Variants in JAG2 observed in about 807,000 individuals in gnomAD.
The protein encoded by JAG2 is jagged canonical Notch ligand 2, also known as protein jagged-2.
In JAG2, 46 loss-of-function variants were observed where a neutral mutation model predicts 141.7. The ratio of observed to expected loss-of-function variants is 0.32; its 90% CI spans 0.26 to 0.42. The LOEUF is 0.42. Ranked by LOEUF, JAG2 falls within the 10% of genes least tolerant of loss-of-function variation. The probability of loss-of-function intolerance (pLI) is 1.00; values close to 1 mark genes in which losing one functional copy is unlikely to be tolerated. For missense variants in JAG2, 1,500 were observed against 1,817.5 expected, an observed-to-expected ratio of 0.83 and a Z score of 3.18; for synonymous variants, 862 against 763.5, an observed-to-expected ratio of 1.13 and a Z score of -2.13.
At chr14:105,157,222 T>TC (rs1160613136) in intron 3 of JAG2, among the ~76,000 whole-genome samples, 1 of 151,924 alleles carries the variant, frequency 6.6e-6, no homozygotes, top group East Asian at 1.9e-4. Flanking sequence ...CCCCGGCTGC[T>TC]CCCCCTGCAC....
At chr14:105,156,665 C>T (rs934744095) in intron 3 of JAG2, among the ~76,000 whole-genome samples, 4 of 152,144 alleles carry the variant, frequency 2.6e-5, no homozygotes, top group African/African-American at 9.7e-5. Context: ...CGACGTTTTG[C>T]ACAATAAAAG....
intron 24 of JAG2, 26 bp downstream of exon 24, chr14:105,144,904 G>C (rs367852224): frequency 7.5e-6 from 12 of 1,595,182 alleles, no homozygotes; most frequent in African/African-American, 1.3e-5. Context: ...GGCCCACCCA[G>C]GTGCTGCTCC....
At chr14:105,165,494 G>A (rs1888881786) in intron 2 of JAG2, among the ~76,000 whole-genome samples, 1 of 152,188 alleles carries the variant, frequency 6.6e-6, no homozygotes, top group African/African-American at 2.4e-5. Flanking sequence ...CTGGCATGTG[G>A]TCCACCACCT....
chr14:105,158,943 G>A (rs746796534), intron 2 of JAG2, among the ~76,000 whole-genome samples: 20 of 151,918 alleles, frequency 1.3e-4, no homozygotes, highest in Non-Finnish European at 2.5e-4. Flanking sequence ...CCAACCCCAC[G>A]CCTGCCAGCC....
intron 9 of JAG2, 76 bp from the exon 10 acceptor site, chr14:105,151,180 C>T: frequency 7.4e-7 from 1 of 1,347,582 alleles, no homozygotes; most frequent in Non-Finnish European, 1.0e-6. Context: ...CTGGCACCCG[C>T]AGCCCAGCAG....
Position 105,144,946 on chromosome 14 carries a change from G to A in JAG2, c.3068C>T (p.Ala1023Val). 1 of 1,599,978 alleles carries A rather than the reference G, an allele frequency of 6.3e-7. No homozygotes were observed. Among genetic ancestry groups the A allele is most frequent in the Non-Finnish European group, 8.5e-7 (1 of 1,176,550 alleles). Reference sequence around the variant, plus strand: ...GGCACTCACCACGGCCACCTCCACAGCACTGGCCCCCGAGGACGCCCGGTC... The same window carrying A: ...GGCACTCACCACGGCCACCTCCACAACACTGGCCCCCGAGGACGCCCGGTC... ...LCDRASSGASAVEVAVSFSPA... is the reference protein window; with the variant it reads ...LCDRASSGASVVEVAVSFSPA... Residue 1023 changes from alanine (A) to valine (V), a missense_variant, in exon 24 of 26, where the codon GCT becomes GTT. Around this residue, in one of 3 missense-constraint regions of JAG2, gnomAD observed 425 missense variants for 441.0 expected, o/e 0.96. Coordinates refer to ENST00000331782, the MANE Select transcript of JAG2 (RefSeq NM_002226.5).
intron 2 of JAG2, among the ~76,000 whole-genome samples, chr14:105,162,759 C>T (rs1888792558): frequency 7.5e-6 from 1 of 134,098 alleles, no homozygotes; most frequent in African/African-American, 3.3e-5. Flanking sequence ...TTGTGCACCC[C>T]ATGGCCCAGT....
chr14:105,145,978 G>C lies in JAG2; in HGVS notation c.2710-5C>G, dbSNP rs1202491240. The C allele has an allele frequency of 1.5e-5, 24 of 1,592,702 alleles. No individual in the cohort carries two copies. Among genetic ancestry groups the C allele is most frequent in the Non-Finnish European group, 2.0e-5 (24 of 1,172,132 alleles). Reference sequence around the variant, plus strand: ...AGGCTTCCATCCGCACCACACCTGGGCAGGCACGCACAGGAGGGTCAGGCG... The same window carrying C: ...AGGCTTCCATCCGCACCACACCTGGCCAGGCACGCACAGGAGGGTCAGGCG... On this transcript the variant is annotated splice_region_variant and splice_polypyrimidine_tract_variant and intron_variant, in intron 22 of 25. Coordinates refer to ENST00000331782, the MANE Select transcript of JAG2 (RefSeq NM_002226.5).
At chr14:105,153,131 G>A (rs1265501261) in intron 5 of JAG2, among the ~76,000 whole-genome samples, 2 of 152,112 alleles carry the variant, frequency 1.3e-5, no homozygotes, top group South Asian at 2.1e-4. Context: ...GGTCCTGCAG[G>A]ACGGGAATGT....
chr14:105,166,994 A>G (rs1019380476), intron 2 of JAG2, among the ~76,000 whole-genome samples: 8 of 152,110 alleles, frequency 5.3e-5, no homozygotes, highest in Non-Finnish European at 1.2e-4. Context: ...CTGCCAGCCC[A>G]CTGGGATGAG....
intron 2 of JAG2, among the ~76,000 whole-genome samples, chr14:105,166,143 TG>T (rs906514039): frequency 6.6e-5 from 10 of 152,202 alleles, no homozygotes; most frequent in Admixed American, 5.2e-4. Flanking sequence ...GGAGGTGAGC[TG>T]GCCCCGAAAC....
intron 2 of JAG2, among the ~76,000 whole-genome samples, chr14:105,163,194 T>C (rs1323137844): frequency 6.6e-6 from 1 of 152,190 alleles, no homozygotes; most frequent in African/African-American, 2.4e-5. Context: ...ATACATTTCC[T>C]GAAACCTGAG....
rs1334308127 is a variant in JAG2 at position 105,150,854 on chromosome 14, C to T, written c.1428+11G>A. On this transcript the variant is annotated intron_variant, in intron 11 of 25. Coordinates refer to ENST00000331782, the MANE Select transcript of JAG2 (RefSeq NM_002226.5). ...GCACCCACGCCACACACCCTCCTGG[C>T]CCCGCCTCACCTTGCAGGTGCCCCC... 5.1e-6 allele frequency: 8 copies of T among 1,580,440 alleles called. 1 individual carries two copies. In the South Asian group the frequency reaches 5.7e-5, roughly 11 times the overall value.
intron 12 of JAG2, among the ~76,000 whole-genome samples, chr14:105,149,628 C>T (rs1888349866): frequency 1.3e-5 from 2 of 151,536 alleles, no homozygotes; most frequent in Admixed American, 6.6e-5. Context: ...CCCTCACACA[C>T]TGCCTGGCCA....
intron 3 of JAG2, among the ~76,000 whole-genome samples, chr14:105,157,095 G>A (rs1888605487): frequency 6.6e-6 from 1 of 152,092 alleles, no homozygotes; most frequent in Admixed American, 6.5e-5. Flanking sequence ...TCACGTGGCA[G>A]CTCCTCCTCG....
At chr14:105,147,580 C>T (rs1953899992) in intron 18 of JAG2, 53 bp from the exon 19 acceptor site, 9 of 1,568,146 alleles carry the variant, frequency 5.7e-6, no homozygotes, top group Middle Eastern at 3.4e-4. Context: ...CCAAGCGTGC[C>T]AGGCACTGTC....
chr14:105,149,234 A>G lies in JAG2; in HGVS notation c.1689T>C (p.Pro563=). 1 of 1,612,188 alleles carries G rather than the reference A, an allele frequency of 6.2e-7. No individual in the cohort carries two copies. Among genetic ancestry groups the G allele is most frequent in the Non-Finnish European group, 8.5e-7 (1 of 1,179,940 alleles). Residue 563 remains proline, a synonymous_variant, in exon 13 of 26, where the codon CCT becomes CCC. Transcript: ENST00000331782. ...AGCAGTTCTTGCCACCAAAGTCATC[A>G]GGGCAGGCGCAGTAATAGTCACCCT... is the stretch of plus-strand genomic sequence containing the variant. ...NLEGDYYCAC[P]DDFGGKNCSV... is the part of the protein sequence containing the mutation.
chr14:105,168,274 C>T, intron 1 of JAG2, 81 bp downstream of exon 1: 1 of 709,012 alleles, frequency 1.4e-6, no homozygotes, highest in South Asian at 5.9e-5. Flanking sequence ...CACGGCGGCC[C>T]CAGGCAGTGC....
chr14:105,168,344 GC>G lies in JAG2; in HGVS notation c.66+10del. ...GTCCGCGACCCCCGCCGCCCCCGCC[GC>G]CCCGCTCACCTGCACCCAGAGCGCC... On this transcript the variant is annotated intron_variant, in intron 1 of 25. Coordinates refer to ENST00000331782, the MANE Select transcript of JAG2 (RefSeq NM_002226.5). The G allele has an allele frequency of 2.3e-6, 1 of 432,788 alleles. No homozygotes were observed. Among genetic ancestry groups the G allele is most frequent in the South Asian group, 5.0e-5 (1 of 20,006 alleles). 26.8% of individuals were successfully genotyped at this position (432,788 alleles called of 1,614,324 possible). A position where few individuals can be genotyped will look rare whatever the true frequency, so the allele number is the denominator to read the frequency against.
Sources: allele counts gnomAD v4.1 joint callset (sites outside exome capture counted in the v4.1 genomes callset), GRCh38; gene constraint gnomAD v4.1.1; regional missense constraint gnomAD v4.1.1; transcripts MANE v1.5; gene names NCBI Gene and HGNC (gene_info 2026-07-23, HGNC 2026-07-21).